Variants in SH2D1A observed in about 807,000 individuals in gnomAD.
SH2D1A encodes the protein SH2 domain containing 1A.
A neutral mutation model predicts 10.1 loss-of-function variants in SH2D1A; 6 were observed. The ratio of observed to expected loss-of-function variants is 0.60; its 90% CI spans 0.33 to 1.18. SH2D1A has a LOEUF of 1.18. Ranked by LOEUF, SH2D1A falls within the 50% of genes most tolerant of loss-of-function variation. The pLI, the probability that SH2D1A is intolerant of heterozygous loss-of-function variation, is 0.04. For synonymous variants in SH2D1A, 42 were observed against 36.9 expected (o/e 1.14, Z -0.51); for missense variants, 51 against 97.6 (o/e 0.52, Z 2.01).
intron 1 of SH2D1A, among the ~76,000 whole-genome samples, chrX:124,349,216 G>A (rs186953772): frequency 8.0e-5 from 9 of 111,825 alleles, no homozygotes; most frequent in Non-Finnish European, 1.3e-4. Context: ...TGGTACACTG[G>A]GGCCTCAAAG....
rs1359461279 is a variant in SH2D1A, at chrX:124,372,393, C to T, written c.*1002C>T. On this transcript the variant is annotated 3_prime_UTR_variant, in exon 4 of 4. Coordinates refer to ENST00000371139, the MANE Select transcript of SH2D1A (RefSeq NM_002351.5). ...GGGCTCACAGAATTCATTCACTCAA[C>T]AAACATAATAGGGCGCTGAGGGCAT... 5.8e-6 allele frequency: 1 copy of T among 171,547 alleles called. No homozygotes were observed. The highest frequency in any genetic ancestry group is 1.1e-5 in the Non-Finnish European group (1 of 89,827). The allele number at this position is 171,547 out of a possible 1,213,427, so 14.1% of individuals were successfully genotyped here.
chrX:124,351,584 G>C (rs2060015253), intron 1 of SH2D1A, among the ~76,000 whole-genome samples: 2 of 110,487 alleles, frequency 1.8e-5, no homozygotes, highest in African/African-American at 6.6e-5. Flanking sequence ...GGGTATTGTA[G>C]TTAAGAAAAT....
chrX:124,348,139 C>T (rs2059998697), intron 1 of SH2D1A, among the ~76,000 whole-genome samples: 1 of 111,837 alleles, frequency 8.9e-6, no homozygotes, highest in Non-Finnish European at 1.9e-5. Context: ...TTCACAAAGG[C>T]TTCAAGGGAA....
intron 2 of SH2D1A, among the ~76,000 whole-genome samples, chrX:124,369,001 A>G (rs757632376): frequency 9.0e-6 from 1 of 111,265 alleles, no homozygotes; most frequent in African/African-American, 3.3e-5. Flanking sequence ...CTGTGAACAT[A>G]TGGGGGAACA....
intron 2 of SH2D1A, 98 bp downstream of exon 2, chrX:124,365,922 C>T (rs868158850): frequency 3.5e-6 from 2 of 565,642 alleles, no homozygotes; most frequent in Non-Finnish European, 6.2e-6. Context: ...ATTAAGTATT[C>T]ATAAGGTTTA....
intron 1 of SH2D1A, among the ~76,000 whole-genome samples, chrX:124,357,610 C>T (rs777794441): frequency 1.8e-5 from 2 of 111,683 alleles, no homozygotes; most frequent in East Asian, 5.6e-4. Flanking sequence ...TTCCCACCAA[C>T]AGTGTGCAAG....
intron 1 of SH2D1A, among the ~76,000 whole-genome samples, chrX:124,350,984 AT>A (rs2060012784): frequency 1.2e-4 from 5 of 41,721 alleles, no homozygotes; most frequent in African/African-American, 8.6e-4. Context: ...GATATAATAT[AT>A]TATATATATA....
chrX:124,350,512 A>ATAC (rs2060009089), intron 1 of SH2D1A, among the ~76,000 whole-genome samples: 1 of 42,489 alleles, frequency 2.4e-5, no homozygotes, highest in African/African-American at 9.9e-5. Flanking sequence ...ATATATAAAT[A>ATAC]TATATTATAT....
intron 1 of SH2D1A, chrX:124,364,300 G>A (rs1466467139): frequency 1.0e-5 from 2 of 197,435 alleles, no homozygotes. Context: ...TAACAAAAAA[G>A]TTTAAATAGC....
In SH2D1A at chrX:124,346,761, T is replaced by C; in HGVS notation, c.119T>C (p.Val40Ala). 1.7e-6 allele frequency: 2 copies of C among 1,211,405 alleles called. No homozygotes were observed. The highest frequency in any genetic ancestry group is 2.2e-6 in the Non-Finnish European group (2 of 895,214). ...LLRDSESVPG[V>A]YCLCVLYHGY... ...AGGGACAGCGAGAGCGTGCCAGGCG[T>C]GTACTGCCTATGTGTGCTGTGAGTA... The change falls in exon 1 of 4, where the codon GTG (valine) becomes GCG (alanine). Residue 40 changes from valine to alanine, a missense_variant. By Grantham distance (64) the Val-to-Ala change is moderately conservative. Transcript: ENST00000371139.
chrX:124,366,131 G>A (rs2060053840), intron 2 of SH2D1A, among the ~76,000 whole-genome samples: 1 of 110,885 alleles, frequency 9.0e-6, no homozygotes, highest in African/African-American at 3.3e-5. Flanking sequence ...ATAATTAAAT[G>A]AACAATTATT....
intron 1 of SH2D1A, among the ~76,000 whole-genome samples, chrX:124,357,637 C>T: frequency 8.9e-6 from 1 of 111,759 alleles, no homozygotes; most frequent in Non-Finnish European, 1.9e-5. Context: ...CTTCTCTCTG[C>T]ATCCTCTCTT....
At chrX:124,364,823 G>A (rs1283654500) in intron 1 of SH2D1A, among the ~76,000 whole-genome samples, 1 of 111,418 alleles carries the variant, frequency 9.0e-6, no homozygotes, top group East Asian at 2.8e-4. Flanking sequence ...CATTCTAGTA[G>A]TGTAATGTCC....
At chrX:124,366,032 A>G (rs113313894) in intron 2 of SH2D1A, among the ~76,000 whole-genome samples, 4 of 111,508 alleles carry the variant, frequency 3.6e-5, no homozygotes, top group African/African-American at 1.3e-4. Context: ...GCAGAGTTGT[A>G]TGACTTTGGG....
At chrX:124,369,271 C>T (rs1320022790) in intron 2 of SH2D1A, among the ~76,000 whole-genome samples, 3 of 111,189 alleles carry the variant, frequency 2.7e-5, no homozygotes, top group Non-Finnish European at 3.8e-5. Context: ...TTCAATTGCT[C>T]ATAGCAATAC....
intron 1 of SH2D1A, among the ~76,000 whole-genome samples, chrX:124,356,514 C>A (rs979540108): frequency 4.4e-5 from 5 of 112,486 alleles, no homozygotes; most frequent in Non-Finnish European, 9.4e-5. Context: ...GTGGTGTGAT[C>A]TCAGCTCACT....
intron 1 of SH2D1A, among the ~76,000 whole-genome samples, chrX:124,361,102 T>C (rs1235537225): frequency 2.7e-5 from 3 of 111,797 alleles, no homozygotes; most frequent in Non-Finnish European, 5.6e-5. Context: ...ATTCACACGT[T>C]TAAACCCTTA....
intron 1 of SH2D1A, among the ~76,000 whole-genome samples, chrX:124,349,337 T>C (rs1490515715): frequency 8.9e-6 from 1 of 112,053 alleles, no homozygotes. Context: ...TCCCTTTTGA[T>C]AAATGTAAAA....
In SH2D1A at chrX:124,372,195, A is replaced by C. The variant is rs2060071093; in HGVS notation, c.*804A>C. 6.1e-6 allele frequency: 1 copy of C among 164,440 alleles called. No homozygotes were observed. The highest frequency in any genetic ancestry group is 8.2e-5 in the Admixed American group (1 of 12,204). The allele number at this position is 164,440 out of a possible 1,213,427, so 13.6% of individuals were successfully genotyped here. ...GCTCATGAGTAACTGATTTGTAACAAGCCTCCTTTTAAAGTAACCCTACAA... is the reference window on the plus strand; with the variant it reads ...GCTCATGAGTAACTGATTTGTAACACGCCTCCTTTTAAAGTAACCCTACAA... On this transcript the variant is annotated 3_prime_UTR_variant, in exon 4 of 4. Transcript: ENST00000371139.
Sources: gnomAD v4.1 joint callset for allele counts (sites outside exome capture counted in the v4.1 genomes callset) on GRCh38, gnomAD v4.1.1 for gene constraint, MANE v1.5 for transcripts, NCBI Gene and HGNC (gene_info 2026-07-23, HGNC 2026-07-21) for gene names.